The following ACTR2 variants were observed in gnomAD, a reference collection of about 807,000 sequenced individuals.
ACTR2 encodes the protein actin related protein 2.
Under a neutral mutation model 50.2 loss-of-function variants are expected in ACTR2, and 5 were observed. The ratio of observed to expected loss-of-function variants is 0.10; its 90% confidence interval spans 0.05 to 0.21. The LOEUF is 0.21. Ranked by LOEUF, ACTR2 falls within the 10% of genes least tolerant of loss-of-function variation. The pLI is 1.00. For missense variants in ACTR2, 180 were observed against 480.6 expected, an observed-to-expected ratio of 0.37 and a Z score of 5.85; for synonymous variants, 140 against 162.9, an observed-to-expected ratio of 0.86 and a Z score of 1.07.
At chr2:65,261,538 T>A (rs1672268466) in intron 7 of ACTR2, 146 bp downstream of exon 7, 2 of 856,976 alleles carry the variant, frequency 2.3e-6, no homozygotes, top group African/African-American at 1.7e-5. Context: ...ACGGAAAGGT[T>A]GCAAGAAAAA....
chr2:65,254,986 G>C (rs193062884), intron 5 of ACTR2, among the ~76,000 whole-genome samples: 14 of 151,458 alleles, frequency 9.2e-5, no homozygotes, highest in Non-Finnish European at 1.6e-4. Flanking sequence ...CTCTCAGTGG[G>C]TTTTTAAAAA....
chr2:65,252,125 G>A (rs1672063630), intron 4 of ACTR2, among the ~76,000 whole-genome samples: 1 of 152,082 alleles, frequency 6.6e-6, no homozygotes, highest in Non-Finnish European at 1.5e-5. Context: ...TAGAAAATAA[G>A]GTGAGGTGGG....
chr2:65,253,967 A>G, intron 5 of ACTR2, 103 bp downstream of exon 5: 2 of 942,342 alleles, frequency 2.1e-6, no homozygotes, highest in South Asian at 3.5e-5. Context: ...AATCTGTACC[A>G]CTAGAGAAAT....
At chr2:65,258,644 A>G (rs904974519) in intron 6 of ACTR2, among the ~76,000 whole-genome samples, 2 of 152,168 alleles carry the variant, frequency 1.3e-5, no homozygotes, top group Non-Finnish European at 2.9e-5. Flanking sequence ...ACACACACAT[A>G]TACACAAGTA....
intron 1 of ACTR2, among the ~76,000 whole-genome samples, chr2:65,234,068 G>A (rs779958025): frequency 1.4e-4 from 21 of 152,076 alleles, no homozygotes; most frequent in African/African-American, 2.4e-4. Context: ...GTGTCACCAC[G>A]CCTGGCTAAT....
intron 1 of ACTR2, among the ~76,000 whole-genome samples, chr2:65,231,984 A>G (rs981593130): frequency 5.9e-5 from 9 of 152,234 alleles, no homozygotes; most frequent in Non-Finnish European, 2.9e-5. Flanking sequence ...TCACATGACC[A>G]ATGTTGGTCC....
chr2:65,246,875 T>C, intron 3 of ACTR2, 136 bp downstream of exon 3: 1 of 661,592 alleles, frequency 1.5e-6, no homozygotes, highest in South Asian at 2.2e-5. Context: ...ATCTACTATA[T>C]GCTAGTCATT....
intron 8 of ACTR2, among the ~76,000 whole-genome samples, chr2:65,267,121 G>A (rs1467752382): frequency 6.6e-6 from 1 of 152,212 alleles, no homozygotes; most frequent in Non-Finnish European, 1.5e-5. Flanking sequence ...GGCTAGCTAA[G>A]TTTCCCTTAG....
At chr2:65,251,724 C>T (rs539405714) in intron 4 of ACTR2, among the ~76,000 whole-genome samples, 110 of 152,128 alleles carry the variant, frequency 7.2e-4, no homozygotes, top group African/African-American at 1.3e-3. Flanking sequence ...AAAAAAAATA[C>T]GCAGAGATTC....
chr2:65,246,956 CAG>C (rs1371029930), intron 3 of ACTR2, among the ~76,000 whole-genome samples: 1 of 151,836 alleles, frequency 6.6e-6, no homozygotes, highest in African/African-American at 2.4e-5. Context: ...TATATTCTAA[CAG>C]GGAAAAACAG....
At chr2:65,237,039 C>G (rs1671752980) in intron 1 of ACTR2, among the ~76,000 whole-genome samples, 1 of 152,142 alleles carries the variant, frequency 6.6e-6, no homozygotes, top group Admixed American at 6.6e-5. Context: ...AACAGCAAAA[C>G]TTTTAATATT....
intron 1 of ACTR2, 80 bp downstream of exon 1, chr2:65,228,037 A>G (rs931622016): frequency 5.2e-6 from 7 of 1,342,884 alleles, no homozygotes; most frequent in South Asian, 4.9e-5. Flanking sequence ...CTCGGCCCCC[A>G]GGGCTGCACC....
intron 2 of ACTR2, chr2:65,241,944 C>T: frequency 6.8e-7 from 1 of 1,471,862 alleles, no homozygotes; most frequent in South Asian, 1.2e-5. Context: ...CTAATTGTCT[C>T]TATTGCTTGT....
chr2:65,263,539 C>G (rs980182812), intron 7 of ACTR2, among the ~76,000 whole-genome samples: 4 of 152,052 alleles, frequency 2.6e-5, no homozygotes, highest in Non-Finnish European at 5.9e-5. Context: ...GTTAAATAGC[C>G]ACCTAATTAA....
At chr2:65,231,656 C>T (rs1326292878) in intron 1 of ACTR2, among the ~76,000 whole-genome samples, 1 of 152,042 alleles carries the variant, frequency 6.6e-6, no homozygotes, top group Non-Finnish European at 1.5e-5. Context: ...GTTAGTATAA[C>T]AAGACCCCAT....
In ACTR2 at chr2:65,241,834, C is replaced by T. The variant is rs73936443; in HGVS notation, c.159+1872C>T. On this transcript the variant is annotated intron_variant, in intron 2 of 8. Coordinates refer to ENST00000260641, the MANE Select transcript of ACTR2 (RefSeq NM_005722.4). ...TAGACTGAAAAATGGAAATTTAAAT[C>T]GTTTAATGAGTTAATTTGCATTCAG... The T allele has an allele frequency of 3.0e-3, 1,322 of 447,570 alleles. 21 individuals carry two copies. Among genetic ancestry groups the T allele is most frequent in the African/African-American group, 0.024 (1,200 of 50,398 alleles). The allele number at this position is 447,570 out of a possible 1,614,324, so 27.7% of individuals were successfully genotyped here.
At chr2:65,242,250 C>A (rs1284955505) in intron 2 of ACTR2, among the ~76,000 whole-genome samples, 1 of 152,054 alleles carries the variant, frequency 6.6e-6, no homozygotes, top group Non-Finnish European at 1.5e-5. Context: ...CTATACTTTC[C>A]TGATTGCGTA....
intron 1 of ACTR2, among the ~76,000 whole-genome samples, chr2:65,239,113 A>G (rs1359762555): frequency 6.6e-6 from 1 of 152,246 alleles, no homozygotes; most frequent in South Asian, 2.1e-4. Flanking sequence ...CTGCTTTAGA[A>G]TTGAAGCTTT....
chr2:65,228,327 C>T (rs922929230), intron 1 of ACTR2: 2 of 226,656 alleles, frequency 8.8e-6, no homozygotes, highest in African/African-American at 4.5e-5. Context: ...GCTCTTTTCC[C>T]CAGGGCCACC....
Sources: gnomAD v4.1 joint callset for allele counts (sites outside exome capture counted in the v4.1 genomes callset) on GRCh38, gnomAD v4.1.1 for gene constraint, MANE v1.5 for transcripts, NCBI Gene and HGNC (gene_info 2026-07-23, HGNC 2026-07-21) for gene names.